Variants in FRMD4A observed in about 807,000 individuals in gnomAD.
The protein encoded by FRMD4A is FERM domain containing 4A, also known as FERM domain-containing protein 4A.
In FRMD4A, 29 loss-of-function variants were observed where a neutral mutation model predicts 129.1. The ratio of observed to expected loss-of-function variants is 0.22; its 90% CI spans 0.17 to 0.31. The LOEUF is 0.31. Ranked by LOEUF, FRMD4A falls within the 10% of genes least tolerant of loss-of-function variation. FRMD4A has a pLI of 1.00. For synonymous variants in FRMD4A, 634 were observed against 571.6 expected, an observed-to-expected ratio of 1.11 and a Z score of -1.56; for missense variants, 1,272 against 1,375.8, an observed-to-expected ratio of 0.92 and a Z score of 1.19.
intron 2 of FRMD4A, among the ~76,000 whole-genome samples, chr10:13,985,211 T>A (rs1018174018): frequency 2.6e-4 from 39 of 152,182 alleles, no homozygotes; most frequent in African/African-American, 9.4e-4. Context: ...CCGGCTCACG[T>A]GTTTGGCCCC....
chr10:14,003,138 C>T (rs142310733), intron 2 of FRMD4A, among the ~76,000 whole-genome samples: 168 of 152,202 alleles, frequency 1.1e-3, no homozygotes, highest in Admixed American at 1.7e-3. Context: ...GCAAGACTGG[C>T]CACGGCGAGA....
intron 2 of FRMD4A, among the ~76,000 whole-genome samples, chr10:13,866,900 A>T (rs2094374705): frequency 6.6e-6 from 1 of 152,202 alleles, no homozygotes. Context: ...GTGAGCTGAG[A>T]TCCAGCCATT....
intron 2 of FRMD4A, among the ~76,000 whole-genome samples, chr10:14,218,558 A>C (rs1374306032): frequency 1.3e-5 from 2 of 152,148 alleles, no homozygotes; most frequent in African/African-American, 4.8e-5. Context: ...GGCTGGATTA[A>C]GGTGTGTCTT....
At position 14,051,462 on chromosome 10, in the gene FRMD4A, C is replaced by T. The variant is rs560130400; in HGVS notation, c.46-192550G>A. ...TTCCATAAGAGAAAACCAAGGACGC[C>T]GGGGTGAGCGCAAGGATAAGCCTGC... On this transcript the variant is annotated intron_variant, in intron 2 of 24. Transcript: ENST00000357447. Among the ~76,000 whole-genome samples, 6 of 152,248 alleles carry T rather than the reference C, an allele frequency of 3.9e-5. No homozygotes were observed. In the South Asian group the frequency reaches 1.0e-3, roughly 26 times the overall value.
At chr10:13,672,611 T>A (rs2083602615) in intron 16 of FRMD4A, among the ~76,000 whole-genome samples, 1 of 152,228 alleles carries the variant, frequency 6.6e-6, no homozygotes. Context: ...ATATTTAATC[T>A]GATTTCATGT....
In FRMD4A at chr10:14,106,044, A is replaced by G. The variant is rs553147808; in HGVS notation, c.45+224014T>C. On this transcript the variant is annotated intron_variant, in intron 2 of 24. Transcript: ENST00000357447. Reference sequence around the variant, plus strand: ...TTGCAAATGTTGTCATTCTTATTCTATCATTCCTATATCATTTATTAGTTA... The same window carrying G: ...TTGCAAATGTTGTCATTCTTATTCTGTCATTCCTATATCATTTATTAGTTA... Among the ~76,000 whole-genome samples, 4 of 152,280 alleles carry G rather than the reference A, an allele frequency of 2.6e-5. No homozygotes were observed. In the East Asian group the frequency reaches 7.7e-4, roughly 29 times the overall value.
intron 2 of FRMD4A, among the ~76,000 whole-genome samples, chr10:14,275,729 CT>C (rs1228125291): frequency 6.6e-6 from 1 of 152,146 alleles, no homozygotes; most frequent in African/African-American, 2.4e-5. Context: ...GAGTCCACCC[CT>C]GTCTTCAAAA....
At chr10:13,894,117 C>T (rs1299001795) in intron 2 of FRMD4A, among the ~76,000 whole-genome samples, 6 of 152,166 alleles carry the variant, frequency 3.9e-5, no homozygotes, top group Admixed American at 3.9e-4. Flanking sequence ...GAGGGCAGCC[C>T]CTTATCCCAA....
At chr10:13,710,448 C>T (rs1409198758) in intron 12 of FRMD4A, 1 of 152,296 alleles carries the variant, frequency 6.6e-6, no homozygotes, top group Non-Finnish European at 1.5e-5. Context: ...CTGCATGGCC[C>T]CGTCTGTGGC....
At chr10:13,728,919 T>C (rs1341589198) in intron 12 of FRMD4A, among the ~76,000 whole-genome samples, 1 of 152,168 alleles carries the variant, frequency 6.6e-6, no homozygotes, top group Non-Finnish European at 1.5e-5. Flanking sequence ...ATGGAGATGA[T>C]TCAGCCATGT....
intron 2 of FRMD4A, among the ~76,000 whole-genome samples, chr10:14,284,386 T>C (rs1845614622): frequency 6.6e-6 from 1 of 152,170 alleles, no homozygotes. Flanking sequence ...CAGTGGTTCA[T>C]GCCTATAATG....
chr10:14,219,043 G>C (rs1843165669), intron 2 of FRMD4A, among the ~76,000 whole-genome samples: 3 of 149,134 alleles, frequency 2.0e-5, no homozygotes, highest in African/African-American at 7.5e-5. Context: ...AAGGGGATAA[G>C]AGGAGGGGCT....
At chr10:14,015,557 C>T (rs2095696534) in intron 2 of FRMD4A, among the ~76,000 whole-genome samples, 1 of 152,056 alleles carries the variant, frequency 6.6e-6, no homozygotes, top group South Asian at 2.1e-4. Context: ...TCCTGCTTAT[C>T]CTTGCTGTGG....
intron 2 of FRMD4A, among the ~76,000 whole-genome samples, chr10:14,163,954 C>G (rs1841037788): frequency 1.3e-5 from 2 of 152,182 alleles, no homozygotes; most frequent in Non-Finnish European, 2.9e-5. Flanking sequence ...TGTGGTCCAC[C>G]AGCCCCGAGG....
intron 4 of FRMD4A, among the ~76,000 whole-genome samples, chr10:13,808,163 G>A (rs112560381): frequency 1.5e-3 from 232 of 152,164 alleles, no homozygotes; most frequent in African/African-American, 5.3e-3. Flanking sequence ...GCACTTGTAC[G>A]GCACTTCACA....
intron 6 of FRMD4A, among the ~76,000 whole-genome samples, chr10:13,770,962 A>T (rs1286558384): frequency 6.6e-6 from 1 of 152,240 alleles, no homozygotes; most frequent in African/African-American, 2.4e-5. Flanking sequence ...AGATGACGTC[A>T]TCTGATCATT....
chr10:14,008,074 G>C, intron 2 of FRMD4A: 1 of 1,303,416 alleles, frequency 7.7e-7, no homozygotes, highest in Non-Finnish European at 1.0e-6. Flanking sequence ...TCAACGCTGC[G>C]CCTTCTCAGA....
At chr10:13,762,795 A>G (rs1409207333) in intron 6 of FRMD4A, 115 bp from the exon 7 acceptor site, 2 of 697,638 alleles carry the variant, frequency 2.9e-6, no homozygotes, top group East Asian at 2.7e-5. Flanking sequence ...GGAGTTTGAG[A>G]CCAGCCTGGG....
intron 6 of FRMD4A, among the ~76,000 whole-genome samples, chr10:13,764,292 C>T (rs572442953): frequency 3.3e-4 from 50 of 151,320 alleles, no homozygotes; most frequent in African/African-American, 1.0e-3. Context: ...ATCACTTGAG[C>T]CCAGGAGTTC....
Sources: gnomAD v4.1 joint callset for allele counts (sites outside exome capture counted in the v4.1 genomes callset) on GRCh38, gnomAD v4.1.1 for gene constraint, MANE v1.5 for transcripts, NCBI Gene and HGNC (gene_info 2026-07-23, HGNC 2026-07-21) for gene names.